Variants in HCRTR2 observed in about 807,000 individuals in gnomAD.
The protein encoded by HCRTR2 is orexin receptor type 2.
HCRTR2 carries 22 observed loss-of-function variants against 49.0 expected under a neutral mutation model. That is an observed-to-expected ratio of 0.45 (90% CI 0.32 to 0.64). The LOEUF is 0.64. Ranked by LOEUF, HCRTR2 falls within the 30% of genes least tolerant of loss-of-function variation. The pLI, the probability that HCRTR2 is intolerant of heterozygous loss-of-function variation, is 0.04. For synonymous variants in HCRTR2, 236 were observed against 205.3 expected, an observed-to-expected ratio of 1.15 and a Z score of -1.28; for missense variants, 491 against 559.4, an observed-to-expected ratio of 0.88 and a Z score of 1.23.
chr6:55,282,216 G>A lies in HCRTR2; in HGVS notation c.1106-9G>A. ...AATTCCTTTTCCTTTCATTCTCTCT[G>A]TTTGCCAGGAAAATTTCGAGAGGAA... On this transcript the variant is annotated splice_polypyrimidine_tract_variant and intron_variant, in intron 6 of 6. Coordinates refer to ENST00000370862, the MANE Select transcript of HCRTR2 (RefSeq NM_001384272.1). 6.3e-7 allele frequency: 1 copy of A among 1,599,046 alleles called. No individual in the cohort carries two copies. Among genetic ancestry groups the A allele is most frequent in the South Asian group, 1.1e-5 (1 of 90,510 alleles).
At position 55,150,863 on chromosome 6, in the gene HCRTR2, G is replaced by A. The variant is rs74679934; in HGVS notation, c.-377-23348G>A. ...TTTGTCCCTGTACACTTTCCTTAGA[G>A]GATACTGCAGGTTTGTTTCTAGACA... On this transcript the variant is annotated intron_variant, in intron 1 of 7. Transcript: ENST00000615358. 5.2e-3 allele frequency among the ~76,000 whole-genome samples: 788 copies of A among 151,958 alleles called. 6 individuals are homozygous for A. The highest frequency in any genetic ancestry group is 0.018 in the African/African-American group (730 of 41,482).
In HCRTR2 at chr6:55,181,998, G is replaced by T. The variant is rs530157569; in HGVS notation, c.223+7188G>T. 1.1e-4 allele frequency among the ~76,000 whole-genome samples: 16 copies of T among 152,248 alleles called. No homozygotes were observed. The East Asian group carries it at 2.5e-3, about 24-fold the overall frequency. ...TTTTCAGTAGACAGAAATCCATGTG[G>T]ACTGTTATTGTTCTGAATAGCTAGG... On this transcript the variant is annotated intron_variant, in intron 1 of 6. Coordinates refer to ENST00000370862, the MANE Select transcript of HCRTR2 (RefSeq NM_001384272.1).
chr6:55,132,922 C>A (rs1764379661), intron 1 of HCRTR2, among the ~76,000 whole-genome samples: 2 of 151,820 alleles, frequency 1.3e-5, no homozygotes, highest in African/African-American at 4.8e-5. Flanking sequence ...ATGACCACAG[C>A]TTTTAAGTTA....
chr6:55,210,822 A>G (rs888442530), intron 1 of HCRTR2, among the ~76,000 whole-genome samples: 1 of 152,138 alleles, frequency 6.6e-6, no homozygotes, highest in African/African-American at 2.4e-5. Flanking sequence ...GTTGGGTACA[A>G]TCTGATTTTA....
chr6:55,127,165 C>T (rs1351725963), intron 1 of HCRTR2, among the ~76,000 whole-genome samples: 2 of 152,102 alleles, frequency 1.3e-5, no homozygotes, highest in African/African-American at 2.4e-5. Flanking sequence ...CAAACGGCCA[C>T]CAAGTTTTGT....
intron 1 of HCRTR2, among the ~76,000 whole-genome samples, chr6:55,203,227 G>T (rs750859431): frequency 2.0e-5 from 3 of 152,060 alleles, no homozygotes; most frequent in African/African-American, 7.2e-5. Context: ...TTTGTACTTC[G>T]TTCCATACAT....
chr6:55,205,861 C>T (rs540027117), intron 1 of HCRTR2, among the ~76,000 whole-genome samples: 65 of 152,098 alleles, frequency 4.3e-4, no homozygotes, highest in African/African-American at 1.4e-3. Context: ...TGTTATTCTG[C>T]TATTATAGTT....
Position 55,248,511 on chromosome 6 carries a change from C to A in HCRTR2, c.224-128C>A, listed in dbSNP as rs185491319. The A allele has an allele frequency of 1.0e-5, 8 of 771,686 alleles. 3 individuals are homozygous for A. The African/African-American group carries it at 1.2e-4, about 12-fold the overall frequency. The allele number at this position is 771,686 out of a possible 1,614,324, so 47.8% of individuals were successfully genotyped here. On this transcript the variant is annotated intron_variant, in intron 1 of 6. Coordinates refer to ENST00000370862, the MANE Select transcript of HCRTR2 (RefSeq NM_001384272.1). ...CAGATTGACAGATTCAGTGAAAACA[C>A]GGCACAGCCTTCAATTATTTTTCTT...
chr6:55,188,363 T>C (rs532159981), intron 1 of HCRTR2, among the ~76,000 whole-genome samples: 3 of 152,306 alleles, frequency 2.0e-5, no homozygotes. Context: ...ATTTTATCTC[T>C]TTGTAAACAG....
At chr6:55,142,857 G>GA (rs59863570) in intron 1 of HCRTR2, among the ~76,000 whole-genome samples, 150,449 of 150,992 alleles carry the variant, frequency 1, 74,958 homozygotes, top group East Asian at 1. Flanking sequence ...GTGGTCAACA[G>GA]AAAAAAAAAT....
chr6:55,153,389 T>A (rs1337961645), intron 1 of HCRTR2, among the ~76,000 whole-genome samples: 3 of 152,002 alleles, frequency 2.0e-5, no homozygotes, highest in Non-Finnish European at 4.4e-5. Flanking sequence ...CCAACAAACG[T>A]GTAGCATATT....
At chr6:55,160,219 T>C (rs1764787397) in intron 1 of HCRTR2, among the ~76,000 whole-genome samples, 1 of 152,110 alleles carries the variant, frequency 6.6e-6, no homozygotes, top group South Asian at 2.1e-4. Flanking sequence ...AACCCACAAT[T>C]TCATATCCAG....
intron 1 of HCRTR2, among the ~76,000 whole-genome samples, chr6:55,231,361 G>A (rs1766111580): frequency 6.6e-6 from 1 of 152,086 alleles, no homozygotes. Flanking sequence ...TTTAAGAGAA[G>A]TAAGAATGAA....
chr6:55,229,070 C>A (rs1295794597), intron 1 of HCRTR2, among the ~76,000 whole-genome samples: 1 of 152,168 alleles, frequency 6.6e-6, no homozygotes, highest in Non-Finnish European at 1.5e-5. Flanking sequence ...ACCACAGAAC[C>A]ATCACCTCAC....
chr6:55,166,405 GT>G (rs879370061), intron 1 of HCRTR2, among the ~76,000 whole-genome samples: 4 of 102,628 alleles, frequency 3.9e-5, no homozygotes, highest in African/African-American at 1.0e-4. Flanking sequence ...AGAATTGTTA[GT>G]TTTTTTTTTT....
chr6:55,243,725 A>G (rs1766378135), intron 1 of HCRTR2, among the ~76,000 whole-genome samples: 2 of 152,222 alleles, frequency 1.3e-5, no homozygotes, highest in South Asian at 4.1e-4. Flanking sequence ...AAAGTAAGGG[A>G]AAGAGAAAAA....
At chr6:55,206,298 A>T (rs1371823747) in intron 1 of HCRTR2, among the ~76,000 whole-genome samples, 1 of 152,114 alleles carries the variant, frequency 6.6e-6, no homozygotes, top group Non-Finnish European at 1.5e-5. Flanking sequence ...CATATTGAAG[A>T]ATCACTTAAA....
chr6:55,208,624 A>T (rs1765646593), intron 1 of HCRTR2, among the ~76,000 whole-genome samples: 1 of 152,114 alleles, frequency 6.6e-6, no homozygotes, highest in Non-Finnish European at 1.5e-5. Context: ...TCGTGATGTT[A>T]TCTATGTCAT....
chr6:55,122,517 G>A (rs1377169715), intron 1 of HCRTR2, among the ~76,000 whole-genome samples: 2 of 152,044 alleles, frequency 1.3e-5, no homozygotes, highest in South Asian at 2.1e-4. Context: ...TTTTGAATGT[G>A]TTTGCTCTTG....
Sources: allele counts gnomAD v4.1 joint callset (sites outside exome capture counted in the v4.1 genomes callset), GRCh38; gene constraint gnomAD v4.1.1; transcripts MANE v1.5; gene names NCBI Gene and HGNC (gene_info 2026-07-23, HGNC 2026-07-21).